Variants in SUDS3 observed in about 807,000 individuals in gnomAD.
SUDS3 encodes the protein SIN3A corepressor complex component SDS3.
Under a neutral mutation model 53.5 loss-of-function variants are expected in SUDS3, and 23 were observed. The observed-to-expected ratio is 0.43, with a 90% CI of 0.31 to 0.61. SUDS3 has a LOEUF of 0.61. Among genes scored for constraint, SUDS3 ranks in the 20% least tolerant of loss-of-function variants. The pLI is 0.10. For missense variants in SUDS3, 291 were observed against 405.9 expected, an observed-to-expected ratio of 0.72 and a Z score of 2.43; for synonymous variants, 150 against 148.5, an observed-to-expected ratio of 1.01 and a Z score of -0.08.
In SUDS3 at chr12:118,417,026, T is replaced by C. The variant is rs886944913; in HGVS notation, c.*2593T>C. The C allele has an allele frequency of 1.3e-5, 2 of 152,226 alleles. No individual in the cohort carries two copies. The highest frequency in any genetic ancestry group is 4.8e-5 in the African/African-American group (2 of 41,454). 9.4% of individuals were successfully genotyped at this position (152,226 alleles called of 1,614,324 possible). On this transcript the variant is annotated 3_prime_UTR_variant, in exon 12 of 12. Coordinates refer to ENST00000543473, the MANE Select transcript of SUDS3 (RefSeq NM_022491.3). ...AGTGTTTGCTGCGGGTGTGTTCCAA[T>C]ATTCATTTTACCTCTGCTTGGGGGT...
chr12:118,390,112 G>C lies in SUDS3; in HGVS notation c.360+166G>C, dbSNP rs2046152213. On this transcript the variant is annotated intron_variant, in intron 5 of 11. Transcript: ENST00000543473. ...TGGTCTCAGCTCAGACATCCTGTCT[G>C]GTCATTTGTTGTTGCGCAGCCTCTG... 1.3e-5 allele frequency among the ~76,000 whole-genome samples: 2 copies of C among 152,172 alleles called. 1 individual carries two copies. The highest frequency in any genetic ancestry group is 4.8e-5 in the African/African-American group (2 of 41,438).
chr12:118,413,338 A>G (rs547129865), intron 11 of SUDS3, among the ~76,000 whole-genome samples: 1 of 152,312 alleles, frequency 6.6e-6, no homozygotes, highest in South Asian at 2.1e-4. Flanking sequence ...ATTGCATGTT[A>G]CAGAAAAACA....
chr12:118,385,590 A>T (rs2046108000), intron 3 of SUDS3, among the ~76,000 whole-genome samples: 1 of 152,208 alleles, frequency 6.6e-6, no homozygotes. Flanking sequence ...TCTATACCTG[A>T]ATTGTTTAAT....
In SUDS3 at chr12:118,386,213, C is replaced by T. The variant is rs775544535; in HGVS notation, c.340+28C>T. The T allele has an allele frequency of 7.4e-5, 115 of 1,546,898 alleles. 2 individuals carry two copies. In the South Asian group the frequency reaches 1.1e-3, roughly 15 times the overall value. On this transcript the variant is annotated intron_variant, in intron 4 of 11. Transcript: ENST00000543473. ...AAGGCTCCTTTAAATGGCAATGAAT[C>T]ATCTTTCAATGTTTGACCATTTGCC...
At chr12:118,401,949 T>G in intron 8 of SUDS3, 34 bp from the exon 9 acceptor site, 4 of 1,613,802 alleles carry the variant, frequency 2.5e-6, no homozygotes, top group Non-Finnish European at 3.4e-6. Flanking sequence ...GAAATGATTT[T>G]CTCTAAGATT....
intron 6 of SUDS3, among the ~76,000 whole-genome samples, chr12:118,393,286 T>A (rs1341123324): frequency 2.0e-5 from 3 of 152,230 alleles, no homozygotes; most frequent in Non-Finnish European, 4.4e-5. Flanking sequence ...GAAAAATACT[T>A]TTTAAAGTCT....
intron 2 of SUDS3, among the ~76,000 whole-genome samples, chr12:118,381,062 C>A (rs1349078424): frequency 6.6e-6 from 1 of 152,026 alleles, no homozygotes; most frequent in Non-Finnish European, 1.5e-5. Flanking sequence ...TAATTGTTGT[C>A]TTGAAGCAAT....
intron 6 of SUDS3, among the ~76,000 whole-genome samples, chr12:118,395,941 A>G (rs1031909131): frequency 6.6e-6 from 1 of 151,930 alleles, no homozygotes; most frequent in Admixed American, 6.6e-5. Flanking sequence ...GATCTGCCCA[A>G]AGTGCTGGGA....
At chr12:118,403,213 C>T (rs2046279202) in intron 9 of SUDS3, among the ~76,000 whole-genome samples, 199 bp from the exon 10 acceptor site, 5 of 152,154 alleles carry the variant, frequency 3.3e-5, no homozygotes, top group Admixed American at 3.3e-4. Context: ...ATCTGCCTTG[C>T]CTACTTCCCA....
At chr12:118,378,118 T>C (rs547403585) in intron 1 of SUDS3, among the ~76,000 whole-genome samples, 6 of 152,254 alleles carry the variant, frequency 3.9e-5, no homozygotes, top group East Asian at 1.9e-4. Flanking sequence ...AGTTTTTTTT[T>C]CCTTCCAGTA....
chr12:118,403,536 T>C lies in SUDS3; in HGVS notation c.803+19T>C, dbSNP rs776316377. The C allele has an allele frequency of 1.3e-5, 20 of 1,595,528 alleles. No homozygotes were observed. In the South Asian group the frequency reaches 2.3e-4, roughly 18 times the overall value. On this transcript the variant is annotated intron_variant, in intron 10 of 11. Coordinates refer to ENST00000543473, the MANE Select transcript of SUDS3 (RefSeq NM_022491.3). Reference sequence around the variant, plus strand: ...AAAGATGGTATGTTATGGGAAAACCTGGACTAGTAAGAGTCTCATATGAAC... The same window carrying C: ...AAAGATGGTATGTTATGGGAAAACCCGGACTAGTAAGAGTCTCATATGAAC...
chr12:118,401,448 G>A lies in SUDS3; in HGVS notation c.614-311G>A, dbSNP rs774015566. Among the ~76,000 whole-genome samples the A allele has an allele frequency of 4.6e-5, 7 of 152,158 alleles. No homozygotes were observed. In the South Asian group the frequency reaches 1.4e-3, roughly 32 times the overall value. On this transcript the variant is annotated intron_variant, in intron 7 of 11. Transcript: ENST00000543473. ...GTGTGTGGAAGTCTTTAGATCTTTG[G>A]AACAAAAGCGCTTTATACATTCATG...
chr12:118,390,694 T>TA (rs1386253969), intron 5 of SUDS3, among the ~76,000 whole-genome samples: 34 of 152,220 alleles, frequency 2.2e-4, no homozygotes, highest in Admixed American at 2.2e-3. Context: ...CTTAGTATAA[T>TA]ATCAATATAT....
chr12:118,390,793 A>T (rs1275459957), intron 5 of SUDS3, among the ~76,000 whole-genome samples: 1 of 152,222 alleles, frequency 6.6e-6, no homozygotes, highest in Non-Finnish European at 1.5e-5. Flanking sequence ...TTGAATATAC[A>T]CAATTTATCT....
At chr12:118,401,912 A>G in intron 8 of SUDS3, 71 bp from the exon 9 acceptor site, 1 of 1,601,924 alleles carries the variant, frequency 6.2e-7, no homozygotes, top group South Asian at 1.1e-5. Flanking sequence ...AATCATTATG[A>G]TACCTTTGAC....
At chr12:118,385,427 T>G (rs1026716827) in intron 3 of SUDS3, among the ~76,000 whole-genome samples, 1 of 152,220 alleles carries the variant, frequency 6.6e-6, no homozygotes. Flanking sequence ...CTGTTTCTAC[T>G]ATGTGCTTTT....
chr12:118,403,454 A>G lies in SUDS3; in HGVS notation c.740A>G (p.Glu247Gly). 1.2e-6 allele frequency: 2 copies of G among 1,613,772 alleles called. No individual in the cohort carries two copies. Among genetic ancestry groups the G allele is most frequent in the Non-Finnish European group, 8.5e-7 (1 of 1,179,850 alleles). ...SPEHLPATPA[E>G]SPAQRFEARI... ...GAGCACTTGCCTGCAACACCCGCGGAATCTCCAGCCCAGAGGTTCGAAGCT... is the reference window on the plus strand; with the variant it reads ...GAGCACTTGCCTGCAACACCCGCGGGATCTCCAGCCCAGAGGTTCGAAGCT... Residue 247 changes from glutamate (E) to glycine (G), a missense_variant, in exon 10 of 12, where the codon GAA becomes GGA. Glu to Gly is a moderately conservative substitution (Grantham distance 98, BLOSUM62 -2). Coordinates refer to ENST00000543473, the MANE Select transcript of SUDS3 (RefSeq NM_022491.3).
chr12:118,380,098 G>C (rs1207261591), intron 1 of SUDS3, 64 bp from the exon 2 acceptor site: 1 of 1,332,970 alleles, frequency 7.5e-7, no homozygotes, highest in Non-Finnish European at 1.1e-6. Context: ...CATACTCTGT[G>C]TCAGGTGACG....
intron 11 of SUDS3, among the ~76,000 whole-genome samples, chr12:118,412,669 A>G (rs1197965401): frequency 2.0e-5 from 3 of 152,216 alleles, no homozygotes; most frequent in Non-Finnish European, 4.4e-5. Context: ...GTGGCCTTCT[A>G]GTACCTGACC....
Sources: allele counts gnomAD v4.1 joint callset (sites outside exome capture counted in the v4.1 genomes callset), GRCh38; gene constraint gnomAD v4.1.1; transcripts MANE v1.5; gene names NCBI Gene and HGNC (gene_info 2026-07-23, HGNC 2026-07-21).